The following RBFOX1 variants were observed in gnomAD, a reference collection of about 807,000 sequenced individuals.
RBFOX1 encodes RNA binding fox-1 homolog 1.
RBFOX1 carries 8 observed loss-of-function variants against 57.7 expected under a neutral mutation model. The ratio of observed to expected loss-of-function variants is 0.14; its 90% confidence interval spans 0.08 to 0.25. The LOEUF is 0.25. Among genes scored for constraint, RBFOX1 ranks in the 10% least tolerant of loss-of-function variants. The pLI is 1.00. For missense variants in RBFOX1, 611 were observed against 548.5 expected (o/e 1.11, Z -1.14); for synonymous variants, 326 against 222.4 (o/e 1.47, Z -4.15).
chr16:6,184,366 A>G (rs1386155240), intron 1 of RBFOX1, among the ~76,000 whole-genome samples: 1 of 152,180 alleles, frequency 6.6e-6, no homozygotes, highest in Non-Finnish European at 1.5e-5. Context: ...GGATGGAACC[A>G]GGGAATCCAG....
chr16:5,563,582 T>G (rs1300003276), intron 2 of RBFOX1, among the ~76,000 whole-genome samples: 1 of 152,194 alleles, frequency 6.6e-6, no homozygotes, highest in Admixed American at 6.5e-5. Context: ...TGCTGTTGAG[T>G]TGTGCTGAAG....
chr16:6,333,227 T>C (rs1008519011), intron 2 of RBFOX1, among the ~76,000 whole-genome samples: 40 of 152,120 alleles, frequency 2.6e-4, no homozygotes, highest in African/African-American at 9.4e-4. Flanking sequence ...GTATTTTTCA[T>C]AGTGACAGGG....
At chr16:5,360,197 G>C (rs1343021364) in intron 1 of RBFOX1, among the ~76,000 whole-genome samples, 1 of 152,200 alleles carries the variant, frequency 6.6e-6, no homozygotes, top group Non-Finnish European at 1.5e-5. Flanking sequence ...GGACACGCAG[G>C]CCTGGGCAGA....
rs150378226 is a variant in RBFOX1 at position 5,507,589 on chromosome 16, C to A, written c.258+40335C>A. 5.5e-4 allele frequency among the ~76,000 whole-genome samples: 83 copies of A among 152,274 alleles called. No individual in the cohort carries two copies. In the East Asian group the frequency reaches 0.015, roughly 27 times the overall value. The stretch of plus-strand genomic sequence containing the variant: ...CCACAAGATATGTTGAAGTCCTAAC[C>A]CTTCATGCCTGTGAATGTGACCTTA... On this transcript the variant is annotated intron_variant, in intron 2 of 2. Coordinates refer to the RBFOX1 transcript ENST00000585867.
chr16:5,615,507 A>G (rs2047988429), intron 3 of RBFOX1, among the ~76,000 whole-genome samples: 1 of 152,214 alleles, frequency 6.6e-6, no homozygotes, highest in Non-Finnish European at 1.5e-5. Context: ...CATAGACATG[A>G]GGACAGGAGG....
intron 2 of RBFOX1, among the ~76,000 whole-genome samples, chr16:5,502,859 C>T (rs1034037117): frequency 6.6e-6 from 1 of 152,154 alleles, no homozygotes; most frequent in South Asian, 2.1e-4. Context: ...GCAGGGAGAC[C>T]AGAGCACAGG....
At chr16:6,337,429 G>A (rs2191422) in intron 2 of RBFOX1, among the ~76,000 whole-genome samples, 91,846 of 152,102 alleles carry the variant, frequency 0.6, 29,435 homozygotes, top group African/African-American at 0.83. Context: ...ACAAACCTCA[G>A]ATATTTGCAG....
chr16:5,446,973 G>C (rs933323593), intron 1 of RBFOX1, among the ~76,000 whole-genome samples: 1 of 152,126 alleles, frequency 6.6e-6, no homozygotes, highest in South Asian at 2.1e-4. Flanking sequence ...ATCTTGTGAG[G>C]AGTCAATGGG....
chr16:6,984,027 C>T (rs1465987227), intron 3 of RBFOX1, among the ~76,000 whole-genome samples: 1 of 152,132 alleles, frequency 6.6e-6, no homozygotes, highest in East Asian at 1.9e-4. Flanking sequence ...GTGGGCAGAT[C>T]ACCTGAGGTC....
chr16:6,766,156 A>G (rs183005902), intron 3 of RBFOX1, among the ~76,000 whole-genome samples: 1 of 152,290 alleles, frequency 6.6e-6, no homozygotes, highest in African/African-American at 2.4e-5. Context: ...TAAAAAGAAA[A>G]AAAAGCAAAA....
At chr16:5,883,874 G>A (rs1026005385) in intron 4 of RBFOX1, among the ~76,000 whole-genome samples, 1 of 152,126 alleles carries the variant, frequency 6.6e-6, no homozygotes, top group Non-Finnish European at 1.5e-5. Flanking sequence ...AGGATGAGAA[G>A]GTAGGAACCC....
intron 2 of RBFOX1, among the ~76,000 whole-genome samples, chr16:5,529,428 C>T (rs1277316717): frequency 6.8e-6 from 1 of 147,956 alleles, no homozygotes; most frequent in East Asian, 2.0e-4. Context: ...ACAGGGTCTC[C>T]CTTTGTTGCT....
At chr16:5,624,917 G>A (rs2151290272) in intron 3 of RBFOX1, among the ~76,000 whole-genome samples, 1 of 152,282 alleles carries the variant, frequency 6.6e-6, no homozygotes, top group South Asian at 2.1e-4. Context: ...AGGTTTATCT[G>A]GTGCCAAACA....
chr16:7,267,219 C>A (rs1419134678), intron 4 of RBFOX1, among the ~76,000 whole-genome samples: 3 of 151,816 alleles, frequency 2.0e-5, no homozygotes, highest in Admixed American at 2.0e-4. Flanking sequence ...GCCAACATGG[C>A]AAAACCCTGT....
intron 2 of RBFOX1, among the ~76,000 whole-genome samples, chr16:6,536,891 G>A (rs991373142): frequency 3.3e-5 from 5 of 152,150 alleles, no homozygotes; most frequent in Admixed American, 2.6e-4. Context: ...GAATAATTTG[G>A]AGAAGAGGAT....
chr16:7,394,263 A>AAAAAAAAAG (rs1555833371), intron 4 of RBFOX1, among the ~76,000 whole-genome samples: 2 of 139,234 alleles, frequency 1.4e-5, no homozygotes, highest in African/African-American at 5.2e-5. Flanking sequence ...AAAAAAAAAA[A>AAAAAAAAAG]AGAGAGAAAG....
At chr16:7,043,870 C>G (rs1225400760) in intron 3 of RBFOX1, among the ~76,000 whole-genome samples, 3 of 152,196 alleles carry the variant, frequency 2.0e-5, no homozygotes, top group Non-Finnish European at 1.5e-5. Flanking sequence ...ATCCTCCTGC[C>G]TTTCCTCTGA....
intron 4 of RBFOX1, among the ~76,000 whole-genome samples, chr16:5,992,378 A>C (rs2060415548): frequency 6.6e-6 from 1 of 152,222 alleles, no homozygotes; most frequent in Non-Finnish European, 1.5e-5. Flanking sequence ...TTATCTATTC[A>C]TTAAAGCGAG....
At chr16:7,480,138 CT>C (rs2063584928) in intron 4 of RBFOX1, among the ~76,000 whole-genome samples, 1 of 152,166 alleles carries the variant, frequency 6.6e-6, no homozygotes, top group Non-Finnish European at 1.5e-5. Flanking sequence ...CTTGTTAAGC[CT>C]GTGTGTCTTG....
Sources: allele counts gnomAD v4.1 joint callset (sites outside exome capture counted in the v4.1 genomes callset), GRCh38; gene constraint gnomAD v4.1.1; transcripts MANE v1.5; gene names NCBI Gene and HGNC (gene_info 2026-07-23, HGNC 2026-07-21).